PRKCI: variants seen among roughly 807,000 people sequenced by gnomAD.
PRKCI encodes the protein protein kinase C iota type.
Under a neutral mutation model 84.0 loss-of-function variants are expected in PRKCI, and 43 were observed. That is an observed-to-expected ratio of 0.51 (90% CI 0.40 to 0.66). PRKCI has a LOEUF of 0.66. Among genes scored for constraint, PRKCI ranks in the 30% least tolerant of loss-of-function variants. The pLI is 0.00. For missense variants in PRKCI, 459 were observed against 745.6 expected, an observed-to-expected ratio of 0.62 and a Z score of 4.48; for synonymous variants, 216 against 234.4, an observed-to-expected ratio of 0.92 and a Z score of 0.72.
At position 170,275,255 on chromosome 3, in the gene PRKCI, G is replaced by A. The variant is rs1734087508; in HGVS notation, c.673G>A (p.Glu225Lys). ...AATTCCATATAATCCTTCAAGTCAT[G>A]AGAGTTTGGATCAAGTTGGTGAAGA... ...TVIPYNPSSH[E>K]SLDQVGEEKE... The change falls in exon 8 of 18, where the codon GAG (glutamate) becomes AAG (lysine). Residue 225 changes from glutamate (E) to lysine (K), a missense_variant. Physicochemically the swap from Glu to Lys is moderately conservative, Grantham distance 56. Around this residue, in one of 2 missense-constraint regions of PRKCI, gnomAD observed 250 missense variants for 319.7 expected, o/e 0.78. Coordinates refer to ENST00000295797, the MANE Select transcript of PRKCI (RefSeq NM_002740.6). 3 of 1,590,234 alleles carry A rather than the reference G, an allele frequency of 1.9e-6. No homozygotes were observed. Among genetic ancestry groups the A allele is most frequent in the Non-Finnish European group, 2.6e-6 (3 of 1,171,174 alleles).
At chr3:170,257,908 C>T (rs549650503) in intron 2 of PRKCI, among the ~76,000 whole-genome samples, 2 of 152,198 alleles carry the variant, frequency 1.3e-5, no homozygotes, top group African/African-American at 4.8e-5. Flanking sequence ...AGGCGATCCA[C>T]CCACCTTGGC....
chr3:170,293,578 G>T, intron 14 of PRKCI, 70 bp downstream of exon 14: 1 of 1,485,420 alleles, frequency 6.7e-7, no homozygotes, highest in Non-Finnish European at 9.2e-7. Flanking sequence ...GAGTGATTCA[G>T]GTTACTACTT....
intron 1 of PRKCI, among the ~76,000 whole-genome samples, chr3:170,234,253 A>C (rs141055774): frequency 0.021 from 3,090 of 150,020 alleles, 51 homozygotes; most frequent in East Asian, 0.086. Flanking sequence ...CTGGTCTCGA[A>C]CTCCCAACCT....
At chr3:170,277,253 A>C (rs1224534421) in intron 8 of PRKCI, among the ~76,000 whole-genome samples, 1 of 151,644 alleles carries the variant, frequency 6.6e-6, no homozygotes, top group Non-Finnish European at 1.5e-5. Context: ...TGTTTAAAAA[A>C]AGAAAAAAAA....
intron 11 of PRKCI, 54 bp from the exon 12 acceptor site, chr3:170,284,407 A>T (rs551308849): frequency 8.5e-6 from 12 of 1,406,530 alleles, no homozygotes; most frequent in Middle Eastern, 5.2e-4. Context: ...CCAGTTGTAA[A>T]TGTAGAACTT....
intron 15 of PRKCI, among the ~76,000 whole-genome samples, chr3:170,296,938 A>G (rs967079261): frequency 6.6e-6 from 1 of 152,168 alleles, no homozygotes; most frequent in Non-Finnish European, 1.5e-5. Flanking sequence ...AAATTAAGCT[A>G]AAAACAAACT....
At chr3:170,231,755 G>A (rs1326010041) in intron 1 of PRKCI, among the ~76,000 whole-genome samples, 1 of 152,120 alleles carries the variant, frequency 6.6e-6, no homozygotes, top group African/African-American at 2.4e-5. Flanking sequence ...GTGAGCCACT[G>A]CGCCCAGCCT....
chr3:170,276,196 C>G (rs1305839118), intron 8 of PRKCI, among the ~76,000 whole-genome samples: 1 of 152,154 alleles, frequency 6.6e-6, no homozygotes, highest in Non-Finnish European at 1.5e-5. Context: ...AAATCAGCCT[C>G]TCTAAGTGTT....
intron 8 of PRKCI, among the ~76,000 whole-genome samples, chr3:170,275,969 T>C (rs1734104370): frequency 6.6e-6 from 1 of 150,510 alleles, no homozygotes; most frequent in Non-Finnish European, 1.5e-5. Context: ...GGTCTTGCTG[T>C]GTTGCCCAGG....
At position 170,291,515 on chromosome 3, in the gene PRKCI, G is replaced by A. The variant is rs537018336; in HGVS notation, c.1204-339G>A. The A allele has an allele frequency of 1.3e-3, 277 of 214,060 alleles. 1 individual carries two copies. Among genetic ancestry groups the A allele is most frequent in the Middle Eastern group, 0.01 (5 of 496 alleles). The allele number at this position is 214,060 out of a possible 1,614,324, so 13.3% of individuals were successfully genotyped here. A position where few individuals can be genotyped will look rare whatever the true frequency, so the allele number is the denominator to read the frequency against. ...AGATCGAGACCAGCCTGGCCAACAT[G>A]GTGAAACCCTGTCTCTACTAAAAAT... On this transcript the variant is annotated intron_variant, in intron 12 of 17. Transcript: ENST00000295797.
chr3:170,286,274 G>A (rs1040842883), intron 12 of PRKCI, among the ~76,000 whole-genome samples: 1 of 151,994 alleles, frequency 6.6e-6, no homozygotes, highest in African/African-American at 2.4e-5. Flanking sequence ...CAATTAGAAA[G>A]CTTAGCGAGT....
chr3:170,300,683 A>ATTTT (rs201572419), intron 17 of PRKCI, among the ~76,000 whole-genome samples: 1 of 138,336 alleles, frequency 7.2e-6, no homozygotes, highest in African/African-American at 2.6e-5. Context: ...ATTGTCTTGA[A>ATTTT]TTTTTTTTTT....
Position 170,222,785 on chromosome 3 carries a change from A to G in PRKCI, c.101+15A>G, listed in dbSNP as rs2108831300. The G allele has an allele frequency of 6.8e-7, 1 of 1,475,890 alleles. No homozygotes were observed. Among genetic ancestry groups the G allele is most frequent in the Non-Finnish European group, 9.1e-7 (1 of 1,094,378 alleles). The allele number at this position is 1,475,890 out of a possible 1,614,324, so 91.4% of individuals were successfully genotyped here. A position where few individuals can be genotyped will look rare whatever the true frequency, so the allele number is the denominator to read the frequency against. ...TACTACCGCGGGTGAGTGTCCTGGGACAGGGCGGTGGGCGGGAGGGGACAG... is the reference window on the plus strand; with the variant it reads ...TACTACCGCGGGTGAGTGTCCTGGGGCAGGGCGGTGGGCGGGAGGGGACAG... On this transcript the variant is annotated intron_variant, in intron 1 of 17. Transcript: ENST00000295797.
At chr3:170,290,367 G>C (rs1309526046) in intron 12 of PRKCI, among the ~76,000 whole-genome samples, 2 of 151,756 alleles carry the variant, frequency 1.3e-5, no homozygotes, top group Non-Finnish European at 2.9e-5. Flanking sequence ...GGAATACATT[G>C]AGATTTCCTT....
In PRKCI at chr3:170,228,628, C is replaced by T. The variant is rs996776185; in HGVS notation, c.101+5858C>T. Among the ~76,000 whole-genome samples, 10 of 151,658 alleles carry T rather than the reference C, an allele frequency of 6.6e-5. 1 individual carries two copies. Among genetic ancestry groups the T allele is most frequent in the South Asian group, 6.3e-4 (3 of 4,786 alleles). ...ATATATATATATATACACACACACA[C>T]ACACACACACACATATACATACACA... On this transcript the variant is annotated intron_variant, in intron 1 of 17. Transcript: ENST00000295797.
intron 2 of PRKCI, among the ~76,000 whole-genome samples, chr3:170,257,007 G>C (rs1733599287): frequency 6.6e-6 from 1 of 151,904 alleles, no homozygotes; most frequent in South Asian, 2.1e-4. Context: ...CTGATTTCTA[G>C]TTTTGTTCCA....
chr3:170,280,339 T>TA lies in PRKCI; in HGVS notation c.826dup (p.Thr276AsnfsTer16), dbSNP rs753143066. On this transcript the variant is annotated frameshift_variant, in exon 9 of 18. Coordinates refer to ENST00000295797, the MANE Select transcript of PRKCI (RefSeq NM_002740.6). LOFTEE classifies it high-confidence loss of function. ...TATGCCAAAGTACTGTTGGTTCGAT[T>TA]AAAAAAAACAGATCGTATTTATGCA... 6.8e-6 allele frequency: 11 copies of TA among 1,613,148 alleles called. No homozygotes were observed. The highest frequency in any genetic ancestry group is 2.2e-5 in the East Asian group (1 of 44,850).
intron 2 of PRKCI, among the ~76,000 whole-genome samples, chr3:170,254,530 T>C (rs1423302021): frequency 6.6e-6 from 1 of 152,200 alleles, no homozygotes; most frequent in Non-Finnish European, 1.5e-5. Flanking sequence ...TGCATGTGGA[T>C]ATCTTGTTTT....
At chr3:170,287,624 AAATG>A (rs1734427336) in intron 12 of PRKCI, among the ~76,000 whole-genome samples, 1 of 151,972 alleles carries the variant, frequency 6.6e-6, no homozygotes, top group South Asian at 2.1e-4. Flanking sequence ...TAAACAATCA[AAATG>A]GGCAGGGTGT....
Sources: allele counts gnomAD v4.1 joint callset (sites outside exome capture counted in the v4.1 genomes callset), GRCh38; gene constraint gnomAD v4.1.1; regional missense constraint gnomAD v4.1.1; transcripts MANE v1.5; gene names NCBI Gene and HGNC (gene_info 2026-07-23, HGNC 2026-07-21).